NREP: variants seen among roughly 807,000 people sequenced by gnomAD.
The protein encoded by NREP is neuronal regeneration-related protein.
In NREP, 5 loss-of-function variants were observed where a neutral mutation model predicts 8.6. The observed-to-expected ratio is 0.58, with a 90% confidence interval of 0.30 to 1.22. The LOEUF is 1.22. NREP is among the 50% of genes most tolerant of loss of function. NREP has a pLI of 0.07. For missense variants in NREP, 86 were observed against 82.5 expected (o/e 1.04, Z -0.17); for synonymous variants, 27 against 28.0 (o/e 0.96, Z 0.11).
intron 2 of NREP, among the ~76,000 whole-genome samples, chr5:111,922,605 T>G (rs1016798955): frequency 6.6e-6 from 1 of 152,148 alleles, no homozygotes; most frequent in East Asian, 1.9e-4. Context: ...AAGGCAGATT[T>G]CACAAGCATT....
At chr5:111,804,894 G>A (rs903665459) in intron 2 of NREP, among the ~76,000 whole-genome samples, 2 of 152,114 alleles carry the variant, frequency 1.3e-5, no homozygotes, top group African/African-American at 4.8e-5. Flanking sequence ...CCAGCTACTG[G>A]GGAGGCTGAG....
chr5:111,763,547 G>T (rs1282624989), intron 2 of NREP, among the ~76,000 whole-genome samples: 1 of 152,186 alleles, frequency 6.6e-6, no homozygotes, highest in African/African-American at 2.4e-5. Flanking sequence ...GAAACAAAGA[G>T]ATAAACGAAA....
At chr5:111,917,321 A>G (rs941639966) in intron 2 of NREP, among the ~76,000 whole-genome samples, 1 of 152,132 alleles carries the variant, frequency 6.6e-6, no homozygotes, top group African/African-American at 2.4e-5. Context: ...ACTATTCCAA[A>G]CAATAGAAAA....
chr5:111,936,555 C>T (rs560945307), intron 2 of NREP, among the ~76,000 whole-genome samples: 48 of 152,166 alleles, frequency 3.2e-4, no homozygotes, highest in African/African-American at 1.1e-3. Flanking sequence ...ATGACCTCAT[C>T]TTAAATATTT....
At chr5:111,899,264 A>C (rs1754585622) in intron 2 of NREP, among the ~76,000 whole-genome samples, 2 of 152,212 alleles carry the variant, frequency 1.3e-5, no homozygotes, top group Non-Finnish European at 2.9e-5. Flanking sequence ...AGAACAAAAC[A>C]AAGGATATAC....
intron 2 of NREP, among the ~76,000 whole-genome samples, chr5:111,815,019 C>G (rs1411831559): frequency 6.6e-6 from 1 of 151,288 alleles, no homozygotes; most frequent in Non-Finnish European, 1.5e-5. Flanking sequence ...GGATTTTAAC[C>G]TAGCGAGGAA....
chr5:111,812,619 T>C (rs1752295873), intron 2 of NREP, among the ~76,000 whole-genome samples: 1 of 152,172 alleles, frequency 6.6e-6, no homozygotes, highest in Non-Finnish European at 1.5e-5. Flanking sequence ...TCTTTGCTTT[T>C]TGCCTCTTTC....
intron 2 of NREP, among the ~76,000 whole-genome samples, chr5:111,836,657 G>T (rs754731602): frequency 6.6e-6 from 1 of 152,008 alleles, no homozygotes; most frequent in South Asian, 2.1e-4. Context: ...CCAGAGAAGG[G>T]AGAGAGAGCA....
At chr5:111,904,269 G>A (rs4957989) in intron 2 of NREP, among the ~76,000 whole-genome samples, 61,098 of 151,600 alleles carry the variant, frequency 0.4, 14,410 homozygotes, top group Non-Finnish European at 0.54. Flanking sequence ...TGTTTGATGT[G>A]TTTTGACAAA....
At chr5:111,905,518 T>C (rs898076495) in intron 2 of NREP, among the ~76,000 whole-genome samples, 2 of 152,152 alleles carry the variant, frequency 1.3e-5, no homozygotes, top group African/African-American at 2.4e-5. Context: ...GACTGAAGAA[T>C]AGACCGTGGC....
Position 111,872,225 on chromosome 5 carries a change from A to G in NREP, c.135+103049T>C, listed in dbSNP as rs527798060. Among the ~76,000 whole-genome samples the G allele has an allele frequency of 2.0e-5, 3 of 152,216 alleles. No individual in the cohort carries two copies. The East Asian group carries it at 5.8e-4, about 30-fold the overall frequency. On this transcript the variant is annotated intron_variant, in intron 2 of 3. Coordinates refer to the NREP transcript ENST00000395634. ...CAGTCCAGAGGCCAGCATATCAGGT[A>G]TCCAGGAAGAGGTAATGTTTCACTT...
At chr5:111,741,932 G>A (rs1749706186) in intron 2 of NREP, among the ~76,000 whole-genome samples, 1 of 151,612 alleles carries the variant, frequency 6.6e-6, no homozygotes, top group South Asian at 2.1e-4. Context: ...CTGCACTCTA[G>A]ACTCATAAAT....
chr5:111,957,778 G>A (rs902958441), intron 2 of NREP, among the ~76,000 whole-genome samples: 1 of 151,718 alleles, frequency 6.6e-6, no homozygotes, highest in Non-Finnish European at 1.5e-5. Flanking sequence ...ACATAACCAG[G>A]TAAGTTAGGA....
chr5:111,869,070 G>T (rs758543560), intron 2 of NREP, among the ~76,000 whole-genome samples: 1 of 152,164 alleles, frequency 6.6e-6, no homozygotes, highest in Non-Finnish European at 1.5e-5. Flanking sequence ...TAAGAAATAC[G>T]TGGGAGCCAC....
At chr5:111,967,278 C>T (rs1381528212) in intron 2 of NREP, among the ~76,000 whole-genome samples, 1 of 86,940 alleles carries the variant, frequency 1.2e-5, no homozygotes, top group African/African-American at 4.6e-5. Flanking sequence ...CTTTGTCCAA[C>T]AAATTCTTTC....
intron 2 of NREP, among the ~76,000 whole-genome samples, chr5:111,905,295 C>T (rs1001967686): frequency 2.0e-5 from 3 of 152,152 alleles, no homozygotes; most frequent in Non-Finnish European, 4.4e-5. Flanking sequence ...AACTACCAAA[C>T]TCTCTTCCAA....
At chr5:111,886,657 T>A (rs785344) in intron 2 of NREP, among the ~76,000 whole-genome samples, 37,827 of 149,988 alleles carry the variant, frequency 0.25, 5,948 homozygotes, top group South Asian at 0.51. Context: ...AAATGATGAG[T>A]TCATGTCCTT....
intron 2 of NREP, among the ~76,000 whole-genome samples, chr5:111,958,535 A>G (rs1015814682): frequency 6.6e-6 from 1 of 151,966 alleles, no homozygotes; most frequent in Non-Finnish European, 1.5e-5. Context: ...TTTTACACTT[A>G]ATAGCCAATT....
At chr5:111,880,305 T>C (rs1000301655) in intron 2 of NREP, among the ~76,000 whole-genome samples, 2 of 152,232 alleles carry the variant, frequency 1.3e-5, no homozygotes, top group African/African-American at 4.8e-5. Flanking sequence ...GTGGGTAGAA[T>C]AAGTATATTC....
Sources: allele counts gnomAD v4.1 joint callset (sites outside exome capture counted in the v4.1 genomes callset), GRCh38; gene constraint gnomAD v4.1.1; transcripts MANE v1.5; gene names NCBI Gene and HGNC (gene_info 2026-07-23, HGNC 2026-07-21).